DPP10: variants seen among roughly 807,000 people sequenced by gnomAD.
DPP10 encodes the protein dipeptidyl peptidase like 10, also known as inactive dipeptidyl peptidase 10.
A neutral mutation model predicts 120.9 loss-of-function variants in DPP10; 33 were observed. The observed-to-expected ratio is 0.27, with a 90% CI of 0.21 to 0.37. DPP10 has a LOEUF of 0.37. Ranked by LOEUF, DPP10 falls within the 10% of genes least tolerant of loss-of-function variation. The pLI is 1.00. For synonymous variants in DPP10, 337 were observed against 326.1 expected, an observed-to-expected ratio of 1.03 and a Z score of -0.36; for missense variants, 816 against 942.8, an observed-to-expected ratio of 0.87 and a Z score of 1.76.
At chr2:115,750,947 TGTTA>T (rs1201649460) in intron 10 of DPP10, among the ~76,000 whole-genome samples, 6 of 152,168 alleles carry the variant, frequency 3.9e-5, no homozygotes, top group African/African-American at 1.2e-4. Flanking sequence ...AAATTATTCA[TGTTA>T]GTTTGTTACC....
chr2:114,982,898 C>T (rs978004858), intron 1 of DPP10, among the ~76,000 whole-genome samples: 24 of 152,024 alleles, frequency 1.6e-4, no homozygotes, highest in South Asian at 6.2e-4. Context: ...TGAGCCACTG[C>T]GCCCAGCCAA....
At chr2:114,525,234 T>A (rs1407143776) in intron 1 of DPP10, among the ~76,000 whole-genome samples, 1 of 152,194 alleles carries the variant, frequency 6.6e-6, no homozygotes, top group Non-Finnish European at 1.5e-5. Context: ...ATTATAAAAA[T>A]GTATTTGGCA....
chr2:115,181,384 GCAGTGCTTCT>G (rs2054068160), intron 1 of DPP10, among the ~76,000 whole-genome samples: 1 of 152,158 alleles, frequency 6.6e-6, no homozygotes, highest in African/African-American at 2.4e-5. Context: ...GGCTTGGTGG[GCAGTGCTTCT>G]GGTTCAAGTG....
chr2:114,930,717 T>C (rs970170189), intron 1 of DPP10, among the ~76,000 whole-genome samples: 7 of 152,212 alleles, frequency 4.6e-5, no homozygotes, highest in African/African-American at 1.7e-4. Flanking sequence ...ACAAGAAGCA[T>C]GGCAGTGGAA....
chr2:115,185,495 C>T (rs1573932653), intron 1 of DPP10, among the ~76,000 whole-genome samples: 1 of 151,976 alleles, frequency 6.6e-6, no homozygotes. Context: ...TTTTAATGTA[C>T]CATTTTACCA....
intron 13 of DPP10, among the ~76,000 whole-genome samples, chr2:115,771,022 T>G (rs1412685226): frequency 6.6e-6 from 1 of 151,996 alleles, no homozygotes; most frequent in South Asian, 2.1e-4. Context: ...TTTTAATAGC[T>G]GCTCAGCATT....
At chr2:114,777,355 A>G (rs1300222467) in intron 1 of DPP10, among the ~76,000 whole-genome samples, 1 of 152,122 alleles carries the variant, frequency 6.6e-6, no homozygotes, top group East Asian at 1.9e-4. Context: ...ACAAATCACA[A>G]TCCTTAGAAA....
chr2:115,774,919 A>G (rs1681908679), intron 13 of DPP10, among the ~76,000 whole-genome samples: 1 of 152,132 alleles, frequency 6.6e-6, no homozygotes, highest in Non-Finnish European at 1.5e-5. Flanking sequence ...CCAAAAATGC[A>G]TTGAAAGCAT....
chr2:114,526,404 C>T (rs1376262818), intron 1 of DPP10, among the ~76,000 whole-genome samples: 3 of 152,066 alleles, frequency 2.0e-5, no homozygotes, highest in Non-Finnish European at 4.4e-5. Context: ...TCTCATTTTA[C>T]AATATCTGTA....
chr2:114,731,798 C>T (rs762622283), intron 1 of DPP10, among the ~76,000 whole-genome samples: 21 of 152,066 alleles, frequency 1.4e-4, no homozygotes, highest in African/African-American at 4.6e-4. Context: ...GGACACCATG[C>T]GCAGCCAACA....
intron 1 of DPP10, among the ~76,000 whole-genome samples, chr2:114,719,375 G>A (rs751182276): frequency 6.6e-6 from 1 of 152,084 alleles, no homozygotes; most frequent in South Asian, 2.1e-4. Flanking sequence ...CACAAGATGC[G>A]ACATATCCAT....
chr2:115,092,187 T>C (rs1244353215), intron 1 of DPP10, among the ~76,000 whole-genome samples: 1 of 152,226 alleles, frequency 6.6e-6, no homozygotes, highest in Non-Finnish European at 1.5e-5. Context: ...TCTCTCTGTT[T>C]GACTCCAATG....
At chr2:115,184,689 T>C (rs1306214349) in intron 1 of DPP10, among the ~76,000 whole-genome samples, 2 of 152,346 alleles carry the variant, frequency 1.3e-5, no homozygotes, top group Admixed American at 1.3e-4. Flanking sequence ...TTTATCTCTT[T>C]GCCCAATACA....
chr2:114,466,041 T>C (rs1011557282), intron 1 of DPP10, among the ~76,000 whole-genome samples: 7 of 152,304 alleles, frequency 4.6e-5, no homozygotes, highest in Admixed American at 4.6e-4. Flanking sequence ...TCTACTTCTG[T>C]GAGATAAACT....
chr2:114,658,919 C>T (rs1247932395), intron 1 of DPP10, among the ~76,000 whole-genome samples: 1 of 152,122 alleles, frequency 6.6e-6, no homozygotes, highest in Non-Finnish European at 1.5e-5. Context: ...GAGGGTGAAA[C>T]CTGGTGGGAG....
At position 114,613,268 on chromosome 2, in the gene DPP10, T is replaced by A. The variant is rs140390365; in HGVS notation, c.60+170430T>A. On this transcript the variant is annotated intron_variant, in intron 1 of 25. Transcript: ENST00000410059. ...AAACAGAGAGAAGATTATTAGGTTA[T>A]GGATATTAAGTTAATGGGGAAGATA... Among the ~76,000 whole-genome samples the A allele has an allele frequency of 4.2e-3, 639 of 152,292 alleles. 5 individuals are homozygous for A. The highest frequency in any genetic ancestry group is 0.015 in the African/African-American group (605 of 41,568).
chr2:115,777,713 C>T lies in DPP10; in HGVS notation c.1314-74C>T, dbSNP rs1682281346. ...AATGTGAATTCAGGATTCAATGTGA[C>T]AATGTGACAAAATTCACAGATCACA... On this transcript the variant is annotated intron_variant, in intron 14 of 25. Transcript: ENST00000410059. 3 of 1,479,188 alleles carry T rather than the reference C, an allele frequency of 2.0e-6. No individual in the cohort carries two copies. In the Admixed American group the frequency reaches 5.2e-5, roughly 26 times the overall value. 91.6% of individuals were successfully genotyped at this position (1,479,188 alleles called of 1,614,324 possible).
At chr2:115,694,581 G>A (rs1243180836) in intron 7 of DPP10, among the ~76,000 whole-genome samples, 1 of 152,176 alleles carries the variant, frequency 6.6e-6, no homozygotes, top group Non-Finnish European at 1.5e-5. Flanking sequence ...CACTTTAGCT[G>A]TAATAAAGTT....
chr2:115,570,771 G>A (rs932325088), intron 5 of DPP10, among the ~76,000 whole-genome samples: 3 of 152,218 alleles, frequency 2.0e-5, no homozygotes, highest in African/African-American at 7.2e-5. Context: ...CAGAAATTAA[G>A]TGTTTGCATA....
Sources: allele counts gnomAD v4.1 joint callset (sites outside exome capture counted in the v4.1 genomes callset), GRCh38; gene constraint gnomAD v4.1.1; transcripts MANE v1.5; gene names NCBI Gene and HGNC (gene_info 2026-07-23, HGNC 2026-07-21).